The following ZNF654 variants were observed in gnomAD, a reference collection of about 807,000 sequenced individuals.
ZNF654 encodes the protein zinc finger protein 654.
A neutral mutation model predicts 95.3 loss-of-function variants in ZNF654; 19 were observed. The observed-to-expected ratio is 0.20, with a 90% CI of 0.14 to 0.29. ZNF654 has a LOEUF of 0.29. Ranked by LOEUF, ZNF654 falls within the 10% of genes least tolerant of loss-of-function variation. The pLI is 1.00. For synonymous variants in ZNF654, 413 were observed against 457.9 expected, an observed-to-expected ratio of 0.90 and a Z score of 1.25; for missense variants, 1,046 against 1,341.0, an observed-to-expected ratio of 0.78 and a Z score of 3.44.
At chr3:88,141,487 A>G (rs1177253526) in intron 8 of ZNF654, among the ~76,000 whole-genome samples, 158 bp from the exon 9 acceptor site, 1 of 152,118 alleles carries the variant, frequency 6.6e-6, no homozygotes, top group East Asian at 1.9e-4. Flanking sequence ...GAAAAAGAAC[A>G]GAAAATAATT....
At chr3:88,059,619 A>C (rs1706726992) in intron 1 of ZNF654, 114 bp downstream of exon 1, 257 of 1,150,948 alleles carry the variant, frequency 2.2e-4, no homozygotes, top group East Asian at 1.0e-3. Context: ...CCTCCCCAAC[A>C]AGGAGGGTGA....
At chr3:88,125,331 A>T (rs1706033812) in intron 3 of ZNF654, among the ~76,000 whole-genome samples, 1 of 152,232 alleles carries the variant, frequency 6.6e-6, no homozygotes, top group Admixed American at 6.5e-5. Context: ...AATGAGATTT[A>T]TATATTCAGT....
intron 1 of ZNF654, among the ~76,000 whole-genome samples, chr3:88,066,180 A>G (rs1707187905): frequency 6.6e-6 from 1 of 152,220 alleles, no homozygotes; most frequent in African/African-American, 2.4e-5. Flanking sequence ...TAGAATGACC[A>G]ATGAGGTTCT....
intron 1 of ZNF654, among the ~76,000 whole-genome samples, chr3:88,061,365 T>G (rs1706873853): frequency 6.6e-6 from 1 of 152,224 alleles, no homozygotes; most frequent in Non-Finnish European, 1.5e-5. Context: ...GACTACTTTA[T>G]GACTTCGCTA....
intron 3 of ZNF654, among the ~76,000 whole-genome samples, chr3:88,124,462 T>C (rs1705962345): frequency 6.6e-6 from 1 of 152,224 alleles, no homozygotes. Flanking sequence ...TCTACTACTT[T>C]CTTCTCTCAT....
intron 2 of ZNF654, among the ~76,000 whole-genome samples, chr3:88,101,178 G>T (rs1290978708): frequency 6.6e-6 from 1 of 152,026 alleles, no homozygotes; most frequent in Non-Finnish European, 1.5e-5. Flanking sequence ...ATAATTCAGT[G>T]ATTTTTTGGT....
intron 3 of ZNF654, among the ~76,000 whole-genome samples, chr3:88,123,436 A>G (rs78681710): frequency 0.041 from 6,254 of 152,258 alleles, 372 homozygotes; most frequent in African/African-American, 0.13. Flanking sequence ...TATATAATTC[A>G]TAATGTAATC....
chr3:88,071,697 A>G lies in ZNF654; in HGVS notation c.186+12192A>G, dbSNP rs547061754. ...CGGGTGCCTTTAATCTCAGCTATTCAGGAGGATGAGGCAAGAGAATCACTT... is the reference window on the plus strand; with the variant it reads ...CGGGTGCCTTTAATCTCAGCTATTCGGGAGGATGAGGCAAGAGAATCACTT... On this transcript the variant is annotated intron_variant, in intron 1 of 8. Coordinates refer to ENST00000636215, the MANE Select transcript of ZNF654 (RefSeq NM_001350134.2). Among the ~76,000 whole-genome samples the G allele has an allele frequency of 2.0e-5, 3 of 151,968 alleles. No individual in the cohort carries two copies. The South Asian group carries it at 6.2e-4, about 32-fold the overall frequency.
intron 1 of ZNF654, among the ~76,000 whole-genome samples, chr3:88,065,494 A>G (rs1016346975): frequency 3.3e-5 from 5 of 152,210 alleles, no homozygotes; most frequent in African/African-American, 1.2e-4. Context: ...GAAACTGTTT[A>G]TAGTGTAACT....
chr3:88,115,760 C>T (rs1260947415), intron 3 of ZNF654, among the ~76,000 whole-genome samples: 5 of 152,202 alleles, frequency 3.3e-5, no homozygotes, highest in Admixed American at 3.3e-4. Context: ...CTTTTACTTC[C>T]AGTAGTTTTT....
At chr3:88,122,333 C>A (rs1245604823) in intron 3 of ZNF654, among the ~76,000 whole-genome samples, 1 of 152,052 alleles carries the variant, frequency 6.6e-6, no homozygotes, top group Non-Finnish European at 1.5e-5. Context: ...TCCAGAAGTC[C>A]TTAAATTTGA....
intron 1 of ZNF654, among the ~76,000 whole-genome samples, chr3:88,062,596 C>T (rs368300624): frequency 6.6e-6 from 1 of 152,100 alleles, no homozygotes. Context: ...ACCAAATACA[C>T]TGAATTTTTT....
chr3:88,089,191 TAAAA>T (rs11328694), intron 2 of ZNF654, among the ~76,000 whole-genome samples: 4 of 131,194 alleles, frequency 3.0e-5, no homozygotes, highest in Non-Finnish European at 4.8e-5. Flanking sequence ...GCTTACGTAT[TAAAA>T]AAAAAAAAAA....
intron 6 of ZNF654, among the ~76,000 whole-genome samples, chr3:88,132,773 A>C (rs1230219204): frequency 6.6e-6 from 1 of 152,218 alleles, no homozygotes; most frequent in Non-Finnish European, 1.5e-5. Flanking sequence ...AAAGATGCTG[A>C]ATAGGAATAA....
At chr3:88,102,123 T>C (rs770915547) in intron 2 of ZNF654, among the ~76,000 whole-genome samples, 6 of 152,168 alleles carry the variant, frequency 3.9e-5, no homozygotes, top group Non-Finnish European at 7.4e-5. Context: ...TTGGTGTCTT[T>C]TGAAGTTTAT....
chr3:88,100,291 T>C (rs1205532712), intron 2 of ZNF654, among the ~76,000 whole-genome samples: 2 of 152,102 alleles, frequency 1.3e-5, no homozygotes, highest in Non-Finnish European at 2.9e-5. Flanking sequence ...TCACACCAGT[T>C]AGAATGACAA....
At chr3:88,074,962 T>G (rs1337337145) in intron 1 of ZNF654, among the ~76,000 whole-genome samples, 5 of 152,198 alleles carry the variant, frequency 3.3e-5, no homozygotes, top group Non-Finnish European at 7.3e-5. Context: ...ATTGTGCTAC[T>G]GTCTGTTTGC....
Position 88,123,676 on chromosome 3 carries a change from G to A in ZNF654, c.415-2458G>A, listed in dbSNP as rs535141865. ...GAAATACATCTTGACTTAGTCCTAA[G>A]TCCAGTTCTAAGTCCCATAGTACTG... On this transcript the variant is annotated intron_variant, in intron 3 of 8. Coordinates refer to ENST00000636215, the MANE Select transcript of ZNF654 (RefSeq NM_001350134.2). 5.9e-5 allele frequency among the ~76,000 whole-genome samples: 9 copies of A among 152,230 alleles called. No homozygotes were observed. The South Asian group carries it at 1.9e-3, about 32-fold the overall frequency.
At chr3:88,103,702 T>TG (rs1193053129) in intron 2 of ZNF654, among the ~76,000 whole-genome samples, 3 of 150,714 alleles carry the variant, frequency 2.0e-5, no homozygotes, top group Admixed American at 6.6e-5. Flanking sequence ...CTTCAGAAAT[T>TG]GCAAGTTAAA....
Sources: allele counts gnomAD v4.1 joint callset (sites outside exome capture counted in the v4.1 genomes callset), GRCh38; gene constraint gnomAD v4.1.1; transcripts MANE v1.5; gene names NCBI Gene and HGNC (gene_info 2026-07-23, HGNC 2026-07-21).